Variants in WDR41 observed in about 807,000 individuals in gnomAD.
WDR41 encodes WD repeat domain 41.
Under a neutral mutation model 69.3 loss-of-function variants are expected in WDR41, and 63 were observed. That is an observed-to-expected ratio of 0.91 (90% confidence interval 0.74 to 1.12). The LOEUF (loss-of-function observed/expected upper bound fraction) is 1.12, where lower values mean the gene tolerates loss of function less well. Ranked by LOEUF, WDR41 falls within the 50% of genes most tolerant of loss-of-function variation. WDR41 has a pLI of 0.00. For missense variants in WDR41, 543 were observed against 534.5 expected, an observed-to-expected ratio of 1.02 and a Z score of -0.16; for synonymous variants, 185 against 192.1, an observed-to-expected ratio of 0.96 and a Z score of 0.31.
At chr5:77,504,266 A>C (rs940678909) in intron 1 of WDR41, among the ~76,000 whole-genome samples, 2 of 152,214 alleles carry the variant, frequency 1.3e-5, no homozygotes, top group Non-Finnish European at 2.9e-5. Flanking sequence ...ATAAACTAGA[A>C]AATCTAGAAG....
At chr5:77,469,096 A>G (rs1800437376) in intron 2 of WDR41, among the ~76,000 whole-genome samples, 1 of 152,214 alleles carries the variant, frequency 6.6e-6, no homozygotes, top group African/African-American at 2.4e-5. Flanking sequence ...TTGTAGGGAC[A>G]TGGATGAAAC....
intron 1 of WDR41, among the ~76,000 whole-genome samples, chr5:77,562,768 C>A (rs1003509280): frequency 6.6e-6 from 1 of 152,148 alleles, no homozygotes; most frequent in African/African-American, 2.4e-5. Context: ...CTTTTAAAAT[C>A]ACTTGGGCCT....
In WDR41 at chr5:77,432,888, C is replaced by T. The variant is rs929074095; in HGVS notation, c.*247G>A. 7.8e-6 allele frequency: 3 copies of T among 387,072 alleles called. No homozygotes were observed. Among genetic ancestry groups the T allele is most frequent in the Non-Finnish European group, 1.4e-5 (3 of 218,966 alleles). The allele number at this position is 387,072 out of a possible 1,614,324, so 24.0% of individuals were successfully genotyped here. On this transcript the variant is annotated 3_prime_UTR_variant, in exon 13 of 13. Coordinates refer to ENST00000296679, the MANE Select transcript of WDR41 (RefSeq NM_018268.4). ...TTCAAAATAAGCTCAAAACACAGCA[C>T]TCACCACTTCAACAGCAGCTCAAAG...
rs1026565386 is a variant in WDR41, at chr5:77,432,386, A to G, written c.*749T>C. On this transcript the variant is annotated 3_prime_UTR_variant, in exon 13 of 13. Coordinates refer to ENST00000296679, the MANE Select transcript of WDR41 (RefSeq NM_018268.4). ...AGTTCGTATTTGAGTCAGTGGTCAG[A>G]TGGGGCAGTTGCGCTCAGCTGCAGT... 3 of 152,632 alleles carry G rather than the reference A, an allele frequency of 2.0e-5. No homozygotes were observed. Among genetic ancestry groups the G allele is most frequent in the African/African-American group, 7.2e-5 (3 of 41,464 alleles). The allele number at this position is 152,632 out of a possible 1,614,324, so 9.5% of individuals were successfully genotyped here. A position where few individuals can be genotyped will look rare whatever the true frequency, so the allele number is the denominator to read the frequency against.
chr5:77,464,887 ATT>A, intron 2 of WDR41, 78 bp from the exon 3 acceptor site: 1 of 1,422,938 alleles, frequency 7.0e-7, no homozygotes, highest in Non-Finnish European at 9.9e-7. Flanking sequence ...ATCAAACCTT[ATT>A]AGTGGTATTT....
At chr5:77,593,688 A>G (rs935109323) in intron 1 of WDR41, among the ~76,000 whole-genome samples, 1 of 152,168 alleles carries the variant, frequency 6.6e-6, no homozygotes, top group African/African-American at 2.4e-5. Context: ...TAAAGCTGGA[A>G]GAGACTTAGA....
intron 1 of WDR41, among the ~76,000 whole-genome samples, chr5:77,544,883 G>A (rs937677706): frequency 6.6e-6 from 1 of 151,774 alleles, no homozygotes; most frequent in Admixed American, 6.6e-5. Flanking sequence ...ATTCAATAGC[G>A]CATGGAACTT....
chr5:77,458,269 A>C (rs1287461268), intron 5 of WDR41, among the ~76,000 whole-genome samples: 1 of 152,160 alleles, frequency 6.6e-6, no homozygotes, highest in African/African-American at 2.4e-5. Flanking sequence ...GCACAGTGCC[A>C]TGAGATGGCT....
At chr5:77,475,001 C>T (rs541441494) in intron 2 of WDR41, among the ~76,000 whole-genome samples, 2 of 152,284 alleles carry the variant, frequency 1.3e-5, no homozygotes, top group Admixed American at 6.5e-5. Flanking sequence ...TTGCCTCACT[C>T]GGGAAGCTCA....
At chr5:77,524,008 GCTGA>G (rs1229932141) in intron 1 of WDR41, among the ~76,000 whole-genome samples, 1 of 152,014 alleles carries the variant, frequency 6.6e-6, no homozygotes, top group Non-Finnish European at 1.5e-5. Context: ...TCTTATATAC[GCTGA>G]CTATGATTTT....
chr5:77,531,983 T>C (rs1447045623), intron 1 of WDR41, among the ~76,000 whole-genome samples: 2 of 152,026 alleles, frequency 1.3e-5, no homozygotes, highest in Non-Finnish European at 2.9e-5. Flanking sequence ...ATAATAGTTA[T>C]AGAGTTTTAT....
chr5:77,545,668 G>T, intron 1 of WDR41: 1 of 429,322 alleles, frequency 2.3e-6, no homozygotes, highest in African/African-American at 2.1e-5. Flanking sequence ...TTTCCTGGGG[G>T]CCTCTCTCAA....
intron 1 of WDR41, among the ~76,000 whole-genome samples, chr5:77,567,250 C>T (rs1743650285): frequency 6.6e-6 from 1 of 152,032 alleles, no homozygotes; most frequent in African/African-American, 2.4e-5. Flanking sequence ...GGTATTAAGC[C>T]ATCTCTTCCT....
chr5:77,592,481 G>A lies in WDR41; in HGVS notation c.42+27998C>T, dbSNP rs143328395. 2.5e-3 allele frequency among the ~76,000 whole-genome samples: 376 copies of A among 151,932 alleles called. 1 individual carries two copies. The highest frequency in any genetic ancestry group is 3.4e-3 in the Middle Eastern group (1 of 294). On this transcript the variant is annotated intron_variant, in intron 1 of 5. Coordinates refer to the WDR41 transcript ENST00000509971. The stretch of plus-strand genomic sequence containing the variant: ...TGTCTGTGGACTTATTATTTGTGTC[G>A]GCAGATCTCCAGACCACCCTCAGGT...
chr5:77,586,557 T>C (rs1194764334), intron 1 of WDR41, among the ~76,000 whole-genome samples: 1 of 152,048 alleles, frequency 6.6e-6, no homozygotes, highest in Non-Finnish European at 1.5e-5. Flanking sequence ...CTGCCTACCT[T>C]GGCCTCTCAA....
chr5:77,444,768 A>G lies in WDR41; in HGVS notation c.698-3771T>C, dbSNP rs533909849. On this transcript the variant is annotated intron_variant, in intron 8 of 12. Coordinates refer to ENST00000296679, the MANE Select transcript of WDR41 (RefSeq NM_018268.4). ...TAACGTGCCTATGTACTGCAAGATG[A>G]GACTGTCAGCAGATCATTTTCAAAT... 1.5e-4 allele frequency among the ~76,000 whole-genome samples: 23 copies of G among 152,368 alleles called. No homozygotes were observed. In the South Asian group the frequency reaches 4.8e-3, roughly 32 times the overall value.
At chr5:77,452,073 A>G (rs1437607559) in intron 6 of WDR41, 2 of 151,926 alleles carry the variant, frequency 1.3e-5, no homozygotes, top group Non-Finnish European at 2.9e-5. Flanking sequence ...TTTATAATAT[A>G]TATGCAAGTG....
At chr5:77,475,391 G>T (rs1391206053) in intron 2 of WDR41, among the ~76,000 whole-genome samples, 1 of 152,224 alleles carries the variant, frequency 6.6e-6, no homozygotes, top group South Asian at 2.1e-4. Flanking sequence ...CAAAAAGACA[G>T]CAGTAACCTC....
At chr5:77,561,684 G>A (rs1743527313) in intron 1 of WDR41, among the ~76,000 whole-genome samples, 1 of 151,998 alleles carries the variant, frequency 6.6e-6, no homozygotes, top group Admixed American at 6.6e-5. Flanking sequence ...CTCAGAATAA[G>A]CTAAACTGGG....
Sources: allele counts gnomAD v4.1 joint callset (sites outside exome capture counted in the v4.1 genomes callset), GRCh38; gene constraint gnomAD v4.1.1; transcripts MANE v1.5; gene names NCBI Gene and HGNC (gene_info 2026-07-23, HGNC 2026-07-21).